Variants in EHBP1 observed in about 807,000 individuals in gnomAD.
EHBP1 encodes EH domain-binding protein 1.
EHBP1 carries 55 observed loss-of-function variants against 144.0 expected under a neutral mutation model. The ratio of observed to expected loss-of-function variants is 0.38; its 90% CI spans 0.31 to 0.48. The LOEUF (loss-of-function observed/expected upper bound fraction) is 0.48, where lower values mean the gene tolerates loss of function less well. EHBP1 is among the 20% of genes least tolerant of loss of function. The probability of loss-of-function intolerance (pLI) is 0.98; values close to 1 mark genes in which losing one functional copy is unlikely to be tolerated. For missense variants in EHBP1, 1,200 were observed against 1,364.2 expected, an observed-to-expected ratio of 0.88 and a Z score of 1.90; for synonymous variants, 469 against 472.7, an observed-to-expected ratio of 0.99 and a Z score of 0.10.
chr2:62,733,060 G>T (rs945628276), intron 2 of EHBP1, among the ~76,000 whole-genome samples: 1 of 152,120 alleles, frequency 6.6e-6, no homozygotes, highest in Non-Finnish European at 1.5e-5. Flanking sequence ...CTAAATTTCA[G>T]TTCTGATCAT....
At chr2:62,815,620 G>A (rs1228468645) in intron 5 of EHBP1, among the ~76,000 whole-genome samples, 1 of 152,088 alleles carries the variant, frequency 6.6e-6, no homozygotes, top group African/African-American at 2.4e-5. Context: ...ACTAACTGTG[G>A]TTATTCACCC....
upstream of EHBP1, among the ~76,000 whole-genome samples, chr2:62,703,242 C>T (rs1343172078): frequency 1.3e-5 from 2 of 151,654 alleles, no homozygotes; most frequent in South Asian, 4.2e-4. Flanking sequence ...TAGCATGCGA[C>T]TGTAGTCCCA....
Position 62,731,133 on chromosome 2 carries a change from A to G in EHBP1, c.105-16262A>G, listed in dbSNP as rs1030887565. On this transcript the variant is annotated intron_variant, in intron 2 of 22. Transcript: ENST00000431489. The stretch of plus-strand genomic sequence containing the variant: ...GATCTTGTATATATTTATTGGATTT[A>G]TACCTAAGTATTTCATTTTTTTGGT... Among the ~76,000 whole-genome samples the G allele has an allele frequency of 7.9e-5, 12 of 151,844 alleles. No homozygotes were observed. In the South Asian group the frequency reaches 2.3e-3, roughly 29 times the overall value.
intron 10 of EHBP1, among the ~76,000 whole-genome samples, chr2:62,908,418 AT>A (rs1553468446): frequency 6.6e-6 from 1 of 151,292 alleles, no homozygotes; most frequent in Non-Finnish European, 1.5e-5. Context: ...CGTTCCATTG[AT>A]TTTTTTTCTC....
chr2:63,006,966 A>G (rs1195274168), intron 19 of EHBP1, among the ~76,000 whole-genome samples: 1 of 151,898 alleles, frequency 6.6e-6, no homozygotes, highest in Non-Finnish European at 1.5e-5. Context: ...CATAGAATAC[A>G]TTTATTGCAC....
intron 7 of EHBP1, among the ~76,000 whole-genome samples, chr2:62,840,153 G>A (rs2047681822): frequency 6.7e-6 from 1 of 149,402 alleles, no homozygotes; most frequent in Admixed American, 6.7e-5. Flanking sequence ...ATAGATCAAT[G>A]GAACAGAACA....
At chr2:62,847,442 C>A (rs1362722443) in intron 7 of EHBP1, among the ~76,000 whole-genome samples, 2 of 151,984 alleles carry the variant, frequency 1.3e-5, no homozygotes, top group Admixed American at 6.6e-5. Flanking sequence ...TCATGGTAGG[C>A]AGAGGGTTTT....
intron 5 of EHBP1, among the ~76,000 whole-genome samples, chr2:62,814,169 G>A (rs1472454377): frequency 1.3e-5 from 2 of 152,244 alleles, no homozygotes; most frequent in African/African-American, 4.8e-5. Flanking sequence ...GGAACTGTAT[G>A]AGGTGAATAG....
intron 10 of EHBP1, among the ~76,000 whole-genome samples, chr2:62,905,745 A>G (rs1211734607): frequency 6.6e-6 from 1 of 151,968 alleles, no homozygotes; most frequent in Non-Finnish European, 1.5e-5. Flanking sequence ...AATCACTTGA[A>G]CCAGGGAGGC....
At chr2:62,677,737 G>T (rs1338665337) in intron 1 of EHBP1, among the ~76,000 whole-genome samples, 1 of 152,092 alleles carries the variant, frequency 6.6e-6, no homozygotes, top group East Asian at 1.9e-4. Flanking sequence ...AACATGCAAA[G>T]TTTGTGTTTC....
intron 19 of EHBP1, among the ~76,000 whole-genome samples, chr2:63,031,185 A>T (rs1223304598): frequency 1.3e-5 from 2 of 152,176 alleles, no homozygotes; most frequent in African/African-American, 4.8e-5. Flanking sequence ...GAGCCACTTG[A>T]GTCATTCCCA....
chr2:62,950,693 C>CTT (rs146236066), intron 13 of EHBP1, among the ~76,000 whole-genome samples: 1 of 150,162 alleles, frequency 6.7e-6, no homozygotes, highest in Non-Finnish European at 1.5e-5. Context: ...GTTGTTTTTT[C>CTT]TTTTTTTTTG....
chr2:62,735,934 A>T (rs2038078405), intron 2 of EHBP1, among the ~76,000 whole-genome samples: 1 of 151,688 alleles, frequency 6.6e-6, no homozygotes, highest in African/African-American at 2.4e-5. Flanking sequence ...GGCTTTTTTC[A>T]GGATTTTTTT....
chr2:62,837,882 T>A (rs1300770554), intron 7 of EHBP1, among the ~76,000 whole-genome samples: 3 of 148,164 alleles, frequency 2.0e-5, no homozygotes, highest in South Asian at 2.2e-4. Flanking sequence ...CTCCCACACA[T>A]TAATAATGGG....
chr2:62,955,653 T>A lies in EHBP1; in HGVS notation c.2453T>A (p.Leu818Gln), dbSNP rs975096895. Residue 818 changes from leucine to glutamine, a missense_variant, in exon 14 of 23, where the codon CTA (leucine) becomes CAA (glutamine). Transcript: ENST00000431489. ...GCCACCCCATTCTGCAACAGGCAGC[T>A]AAGTGATGTGAGGAGCATTGGTTAA... is the stretch of plus-strand genomic sequence containing the variant. ...NTATPFCNRQLSDQQDEERRR... is the reference protein window; with the variant it reads ...NTATPFCNRQQSDQQDEERRR... 1.9e-6 allele frequency: 3 copies of A among 1,610,094 alleles called. No homozygotes were observed. The highest frequency in any genetic ancestry group is 2.5e-6 in the Non-Finnish European group (3 of 1,178,186).
chr2:62,889,112 G>A (rs1357102794), intron 10 of EHBP1, among the ~76,000 whole-genome samples: 1 of 129,242 alleles, frequency 7.7e-6, no homozygotes, highest in African/African-American at 2.9e-5. Flanking sequence ...TGCCCAAGCT[G>A]GAGTGCAGTG....
chr2:62,817,806 T>C (rs552425795), intron 5 of EHBP1, among the ~76,000 whole-genome samples: 2 of 152,148 alleles, frequency 1.3e-5, no homozygotes, highest in Non-Finnish European at 2.9e-5. Context: ...AGGTTTATTA[T>C]AAGGTTTGTT....
At chr2:62,752,540 C>T (rs968636920) in intron 3 of EHBP1, among the ~76,000 whole-genome samples, 1 of 152,060 alleles carries the variant, frequency 6.6e-6, no homozygotes, top group African/African-American at 2.4e-5. Context: ...TCCTTGTTAA[C>T]TTTCTGTCTC....
intron 6 of EHBP1, among the ~76,000 whole-genome samples, chr2:62,829,700 TATA>T (rs1044810099): frequency 2.9e-4 from 42 of 146,798 alleles, no homozygotes; most frequent in South Asian, 4.2e-4. Context: ...ATATATAATA[TATA>T]ATAATATATA....
Sources: gnomAD v4.1 joint callset for allele counts (sites outside exome capture counted in the v4.1 genomes callset) on GRCh38, gnomAD v4.1.1 for gene constraint, MANE v1.5 for transcripts, NCBI Gene and HGNC (gene_info 2026-07-23, HGNC 2026-07-21) for gene names.